The following JAKMIP2 variants were observed in gnomAD, a reference collection of about 807,000 sequenced individuals.
JAKMIP2 encodes janus kinase and microtubule interacting protein 2.
JAKMIP2 carries 25 observed loss-of-function variants against 115.0 expected under a neutral mutation model. That is an observed-to-expected ratio of 0.22 (90% CI 0.16 to 0.30). The LOEUF (loss-of-function observed/expected upper bound fraction) is 0.30. JAKMIP2 is among the 10% of genes least tolerant of loss of function. JAKMIP2 has a pLI of 1.00. For missense variants in JAKMIP2, 642 were observed against 957.6 expected, an observed-to-expected ratio of 0.67 and a Z score of 4.35; for synonymous variants, 334 against 343.6, an observed-to-expected ratio of 0.97 and a Z score of 0.31.
rs184555079 is a variant in JAKMIP2 at position 147,673,925 on chromosome 5, G to A, written c.-148-1971C>T. ...CAGAGGACCTCCACCAGCCTCCTAC[G>A]TAGTTATGACCCACAGTTCTATATC... On this transcript the variant is annotated intron_variant, in intron 1 of 21. Coordinates refer to ENST00000616793, the MANE Select transcript of JAKMIP2 (RefSeq NM_001270941.2). 1.9e-3 allele frequency among the ~76,000 whole-genome samples: 293 copies of A among 151,972 alleles called. 1 individual carries two copies. The highest frequency in any genetic ancestry group is 3.4e-3 in the Middle Eastern group (1 of 294).
intron 3 of JAKMIP2, among the ~76,000 whole-genome samples, chr5:147,658,200 T>C (rs1265194919): frequency 1.3e-5 from 2 of 152,132 alleles, no homozygotes; most frequent in Non-Finnish European, 2.9e-5. Flanking sequence ...CTTTTGTTGA[T>C]GTTGTTGTTG....
At chr5:147,739,134 C>A (rs908670726) in intron 1 of JAKMIP2, among the ~76,000 whole-genome samples, 1 of 152,126 alleles carries the variant, frequency 6.6e-6, no homozygotes, top group South Asian at 2.1e-4. Flanking sequence ...CTTGAATGAG[C>A]CTGCTGGGGA....
chr5:147,634,646 C>G (rs528039925), intron 12 of JAKMIP2, among the ~76,000 whole-genome samples: 2 of 152,168 alleles, frequency 1.3e-5, no homozygotes, highest in Admixed American at 1.3e-4. Context: ...TTTATAGGGT[C>G]GCTTAACCTT....
Position 147,631,420 on chromosome 5 carries a change from C to T in JAKMIP2, c.1868G>A (p.Gly623Asp). The change falls in exon 14 of 22, where the codon GGT becomes GAT. Residue 623 changes from glycine (G) to aspartate (D), a missense_variant. Gly to Asp is a moderately conservative substitution (Grantham distance 94). Coordinates refer to ENST00000616793, the MANE Select transcript of JAKMIP2 (RefSeq NM_001270941.2). ...AATGAAATATCTGCCTACCTTAACACCTTCTTTCATACAGTAGATCTGTAG... is the reference window on the plus strand; with the variant it reads ...AATGAAATATCTGCCTACCTTAACATCTTCTTTCATACAGTAGATCTGTAG... Reference protein sequence around the residue: ...SALQIYCMKEGVKDVNIPDLI... With the variant: ...SALQIYCMKEDVKDVNIPDLI... 4 of 1,592,148 alleles carry T rather than the reference C, an allele frequency of 2.5e-6. No individual in the cohort carries two copies. The highest frequency in any genetic ancestry group is 3.4e-6 in the Non-Finnish European group (4 of 1,165,900).
At chr5:147,687,199 A>G (rs1760614905) in intron 1 of JAKMIP2, among the ~76,000 whole-genome samples, 1 of 152,252 alleles carries the variant, frequency 6.6e-6, no homozygotes, top group Non-Finnish European at 1.5e-5. Context: ...TTGACCATTT[A>G]CTACTGCTGG....
At chr5:147,669,167 A>G (rs1759454400) in intron 2 of JAKMIP2, among the ~76,000 whole-genome samples, 1 of 152,228 alleles carries the variant, frequency 6.6e-6, no homozygotes, top group Non-Finnish European at 1.5e-5. Context: ...CTTTGAAAAT[A>G]CAATCCTATT....
At chr5:147,597,939 CCTTTGACTGAGAGTTACACCTCTGG>C (rs1407339214) in intron 21 of JAKMIP2, among the ~76,000 whole-genome samples, 4 of 152,052 alleles carry the variant, frequency 2.6e-5, no homozygotes, top group African/African-American at 7.2e-5. Flanking sequence ...AAGCCTTTGG[CCTTTGACTGAGAGTTACACCTCTGG>C]CTTCCTTGGT....
In JAKMIP2 at chr5:147,629,636, A is replaced by G. The variant is rs575114200; in HGVS notation, c.1929+57T>C. 1,960 of 1,228,564 alleles carry G rather than the reference A, an allele frequency of 1.6e-3. 41 individuals are homozygous for G. The South Asian group carries it at 0.023, about 14-fold the overall frequency. 76.1% of individuals were successfully genotyped at this position (1,228,564 alleles called of 1,614,324 possible). ...CTTTACACATGATGCATTGTTAAGTATCTCTTGCCTCTGTTTAGGCAAATT... is the reference window on the plus strand; with the variant it reads ...CTTTACACATGATGCATTGTTAAGTGTCTCTTGCCTCTGTTTAGGCAAATT... On this transcript the variant is annotated intron_variant, in intron 15 of 21. Transcript: ENST00000616793.
At chr5:147,721,083 T>C (rs1753257675) in intron 1 of JAKMIP2, among the ~76,000 whole-genome samples, 2 of 152,078 alleles carry the variant, frequency 1.3e-5, no homozygotes, top group South Asian at 4.1e-4. Context: ...GACCCTCAGC[T>C]GCAGGTCTGT....
intron 1 of JAKMIP2, among the ~76,000 whole-genome samples, chr5:147,737,827 A>G (rs1753982497): frequency 1.3e-5 from 2 of 152,198 alleles, no homozygotes; most frequent in African/African-American, 4.8e-5. Flanking sequence ...TCTGAACACT[A>G]CCTTAGAACT....
At chr5:147,592,345 C>A (rs939366471) in intron 21 of JAKMIP2, among the ~76,000 whole-genome samples, 3 of 152,134 alleles carry the variant, frequency 2.0e-5, no homozygotes, top group Non-Finnish European at 4.4e-5. Flanking sequence ...AAATTGTCTC[C>A]ACCTAAAGTC....
chr5:147,670,209 G>T (rs1245737977), intron 2 of JAKMIP2, among the ~76,000 whole-genome samples: 1 of 152,172 alleles, frequency 6.6e-6, no homozygotes, highest in East Asian at 1.9e-4. Flanking sequence ...GGCTTTGGCA[G>T]ATCCAAAGGC....
At chr5:147,608,010 A>C (rs929181802) in intron 20 of JAKMIP2, among the ~76,000 whole-genome samples, 3 of 152,096 alleles carry the variant, frequency 2.0e-5, no homozygotes, top group African/African-American at 7.2e-5. Flanking sequence ...CTGTGGGATC[A>C]GTGGTGATCC....
chr5:147,653,618 G>A (rs111806123), intron 3 of JAKMIP2, among the ~76,000 whole-genome samples: 5 of 151,718 alleles, frequency 3.3e-5, no homozygotes, highest in African/African-American at 1.2e-4. Context: ...TTACACCTTT[G>A]TCAGAAGGGT....
At chr5:147,660,357 A>AT in intron 3 of JAKMIP2, 1 of 338,424 alleles carries the variant, frequency 3.0e-6, no homozygotes, top group Non-Finnish European at 5.9e-6. Flanking sequence ...TTTAAAAATT[A>AT]TAATGGCTCC....
chr5:147,659,900 A>G (rs753534116), intron 3 of JAKMIP2, among the ~76,000 whole-genome samples: 3 of 152,250 alleles, frequency 2.0e-5, no homozygotes, highest in Non-Finnish European at 2.9e-5. Context: ...AAAATGCTCT[A>G]TGGTAACCAC....
At chr5:147,758,181 C>T (rs140664535) in intron 1 of JAKMIP2, among the ~76,000 whole-genome samples, 1 of 152,156 alleles carries the variant, frequency 6.6e-6, no homozygotes, top group East Asian at 1.9e-4. Context: ...GTAAATACTA[C>T]AGTAATCAGA....
chr5:147,699,263 G>T (rs1331595896), intron 1 of JAKMIP2, among the ~76,000 whole-genome samples: 1 of 152,194 alleles, frequency 6.6e-6, no homozygotes, highest in African/African-American at 2.4e-5. Flanking sequence ...GTGTTGACAT[G>T]AGCACAGTTG....
intron 15 of JAKMIP2, 39 bp from the exon 16 acceptor site, chr5:147,628,855 A>T: frequency 2.0e-6 from 3 of 1,470,556 alleles, no homozygotes; most frequent in Non-Finnish European, 2.8e-6. Context: ...GAACATACTG[A>T]CATTATTTAC....
Sources: gnomAD v4.1 joint callset for allele counts (sites outside exome capture counted in the v4.1 genomes callset) on GRCh38, gnomAD v4.1.1 for gene constraint, MANE v1.5 for transcripts, NCBI Gene and HGNC (gene_info 2026-07-23, HGNC 2026-07-21) for gene names.